The following VMA12 variants were observed in gnomAD, a reference collection of about 807,000 sequenced individuals.
VMA12 encodes vacuolar ATPase assembly factor VMA12, also known as vacuolar ATPase assembly protein VMA12.
the VMA12 span, chr17:28,363,201 A>G: frequency 6.6e-6 from 1 of 152,140 alleles, no homozygotes; most frequent in Non-Finnish European, 1.5e-5. Flanking sequence ...CAGACCGCAA[A>G]CACCATGGTT....
chr17:28,359,014 A>G, the VMA12 span: 3 of 1,584,896 alleles, frequency 1.9e-6, no homozygotes, highest in East Asian at 6.7e-5. Context: ...TGTTTGTGAG[A>G]GTGGTTATTG....
chr17:28,361,614 C>T, the VMA12 span: 1 of 234,408 alleles, frequency 4.3e-6, no homozygotes, highest in African/African-American at 2.2e-5. Flanking sequence ...GACCATACTG[C>T]CTTGAACTTG....
chr17:28,357,954 C>T, the VMA12 span: 2 of 1,507,316 alleles, frequency 1.3e-6, no homozygotes, highest in East Asian at 2.3e-5. Flanking sequence ...CTTTTCCCAT[C>T]ATTCCCCTTC....
the VMA12 span, chr17:28,357,855 A>T: frequency 6.8e-6 from 11 of 1,614,022 alleles, no homozygotes; most frequent in Non-Finnish European, 6.8e-6. Context: ...CTCATCCGGG[A>T]TCTGCACCAG....
the VMA12 span, chr17:28,357,766 C>G: frequency 6.2e-7 from 1 of 1,613,506 alleles, no homozygotes; most frequent in Non-Finnish European, 8.5e-7. Context: ...AGCTGCGGGC[C>G]GAGCTTGAGG....
At chr17:28,362,846 G>C in the VMA12 span, 4 of 152,188 alleles carry the variant, frequency 2.6e-5, no homozygotes, top group Admixed American at 2.6e-4. Flanking sequence ...AGAACCAAAT[G>C]CCCTATCCTC....
the VMA12 span, chr17:28,358,314 G>A: frequency 2.3e-6 from 1 of 433,500 alleles, no homozygotes; most frequent in Non-Finnish European, 4.8e-6. Flanking sequence ...TTTAATATAG[G>A]ATGGCAAAAG....
chr17:28,359,793 T>C, the VMA12 span, among the ~76,000 whole-genome samples: 1 of 151,936 alleles, frequency 6.6e-6, no homozygotes, highest in Non-Finnish European at 1.5e-5. Flanking sequence ...TAATCCCAGC[T>C]ACTCGAGAGG....
At chr17:28,357,814 C>T in the VMA12 span, 4 of 1,614,096 alleles carry the variant, frequency 2.5e-6, no homozygotes, top group South Asian at 3.3e-5. Flanking sequence ...GTGATAGCTC[C>T]AGTGGCCCCC....
At chr17:28,359,871 A>T in the VMA12 span, among the ~76,000 whole-genome samples, 1 of 152,174 alleles carries the variant, frequency 6.6e-6, no homozygotes, top group Non-Finnish European at 1.5e-5. Flanking sequence ...ACACTGCACC[A>T]TTGCACTCCA....
At chr17:28,360,709 G>T in the VMA12 span, 2 of 1,610,880 alleles carry the variant, frequency 1.2e-6, no homozygotes, top group Non-Finnish European at 1.7e-6. Flanking sequence ...TGAACTAAAG[G>T]TGCCCTCTCT....
the VMA12 span, chr17:28,360,850 GA>G: frequency 6.2e-7 from 1 of 1,613,104 alleles, no homozygotes; most frequent in Non-Finnish European, 8.5e-7. Flanking sequence ...TGGCCTCGGT[GA>G]GTAGGCACTG....
the VMA12 span, chr17:28,359,388 G>T: frequency 5.6e-6 from 9 of 1,613,892 alleles, no homozygotes; most frequent in African/African-American, 1.1e-4. Context: ...CGGATCACCC[G>T]CAACGTCACT....
chr17:28,361,495 C>T, the VMA12 span: 1 of 487,422 alleles, frequency 2.1e-6, no homozygotes, highest in African/African-American at 2.0e-5. Context: ...TCTATCAGTA[C>T]CTCTTCCTGA....
the VMA12 span, chr17:28,363,562 G>A: frequency 6.6e-6 from 1 of 152,180 alleles, no homozygotes; most frequent in Non-Finnish European, 1.5e-5. Flanking sequence ...AGGTGATGGT[G>A]ATACCAAAAC....
chr17:28,361,895 A>G, the VMA12 span: 2 of 152,632 alleles, frequency 1.3e-5, no homozygotes, highest in African/African-American at 4.8e-5. Flanking sequence ...AATGATCACT[A>G]TGGTCCTTCT....
the VMA12 span, chr17:28,358,516 A>T: frequency 2.1e-6 from 1 of 474,896 alleles, no homozygotes; most frequent in Non-Finnish European, 4.4e-6. Flanking sequence ...CAAAGGGTAG[A>T]CTGCTCAATT....
chr17:28,360,548 C>A, the VMA12 span: 11 of 1,614,182 alleles, frequency 6.8e-6, no homozygotes, highest in African/African-American at 5.3e-5. Context: ...CATGGTGGGA[C>A]TCTCAGCGAC....
chr17:28,357,722 G>T, the VMA12 span: 8 of 1,613,212 alleles, frequency 5.0e-6, no homozygotes, highest in Admixed American at 1.3e-4. Context: ...TTTGGGCCCC[G>T]GCGGGGAGCT....
Sources: gnomAD v4.1 joint callset for allele counts (sites outside exome capture counted in the v4.1 genomes callset) on GRCh38, gnomAD v4.1.1 for gene constraint, MANE v1.5 for transcripts, NCBI Gene and HGNC (gene_info 2026-07-23, HGNC 2026-07-21) for gene names.